The following AGO2 variants were observed in gnomAD, a reference collection of about 807,000 sequenced individuals.
AGO2 encodes the protein argonaute RISC catalytic component 2.
Under a neutral mutation model 102.3 loss-of-function variants are expected in AGO2, and 5 were observed. The ratio of observed to expected loss-of-function variants is 0.05; its 90% CI spans 0.03 to 0.10. The LOEUF is 0.10. AGO2 is among the 10% of genes least tolerant of loss of function. The probability of loss-of-function intolerance (pLI) is 1.00; values close to 1 mark genes in which losing one functional copy is unlikely to be tolerated. For synonymous variants in AGO2, 449 were observed against 473.1 expected (o/e 0.95, Z 0.66); for missense variants, 541 against 1,183.7 (o/e 0.46, Z 7.97).
chr8:140,608,135 G>A (rs188747097), intron 1 of AGO2, among the ~76,000 whole-genome samples: 20 of 152,296 alleles, frequency 1.3e-4, no homozygotes, highest in Middle Eastern at 3.4e-3. Flanking sequence ...ATATGGGCTT[G>A]TGAGCTCTGT....
chr8:140,606,170 C>T (rs2073995687), intron 1 of AGO2, among the ~76,000 whole-genome samples: 1 of 152,182 alleles, frequency 6.6e-6, no homozygotes, highest in Non-Finnish European at 1.5e-5. Context: ...GTATATCCTT[C>T]CAGGGCATCG....
chr8:140,623,610 C>T (rs959562467), intron 1 of AGO2, among the ~76,000 whole-genome samples: 16 of 152,160 alleles, frequency 1.1e-4, no homozygotes, highest in Middle Eastern at 6.8e-3. Context: ...CGTCTTGCTG[C>T]GTGCCCCCTG....
upstream of AGO2, among the ~76,000 whole-genome samples, chr8:140,638,825 T>C (rs1429252265): frequency 6.6e-6 from 1 of 152,198 alleles, no homozygotes; most frequent in African/African-American, 2.4e-5. Context: ...TCCTCCCACC[T>C]TGGCCTCCTC....
chr8:140,553,172 G>A (rs929434771), intron 10 of AGO2, among the ~76,000 whole-genome samples: 29 of 152,116 alleles, frequency 1.9e-4, no homozygotes, highest in Non-Finnish European at 3.7e-4. Context: ...GACTGCTTGA[G>A]CCCAGGAGTT....
intron 18 of AGO2, 98 bp downstream of exon 18, chr8:140,532,318 C>A: frequency 4.1e-6 from 6 of 1,464,322 alleles, no homozygotes; most frequent in Non-Finnish European, 4.6e-6. Flanking sequence ...CGGCTCCAGC[C>A]GCTGGGGCCC....
intron 1 of AGO2, among the ~76,000 whole-genome samples, chr8:140,627,632 GC>G (rs2074293567): frequency 6.6e-6 from 1 of 152,212 alleles, no homozygotes; most frequent in South Asian, 2.1e-4. Flanking sequence ...TCTAAGCCTT[GC>G]TGCAGTTGTG....
chr8:140,594,825 CTGTGTG>C (rs56012516), intron 1 of AGO2, among the ~76,000 whole-genome samples: 5 of 146,024 alleles, frequency 3.4e-5, no homozygotes, highest in East Asian at 2.0e-4. Flanking sequence ...AAGAAAAAAA[CTGTGTG>C]TGTGTGTGTG....
intron 1 of AGO2, among the ~76,000 whole-genome samples, chr8:140,595,818 ATATTTAT>A (rs1210807506): frequency 2.0e-5 from 1 of 50,046 alleles, no homozygotes; most frequent in African/African-American, 5.8e-5. Flanking sequence ...TGTATATATT[ATATTTAT>A]ATTATATACA....
chr8:140,557,837 C>T lies in AGO2; in HGVS notation c.879-601G>A, dbSNP rs1034281908. Among the ~76,000 whole-genome samples, 13 of 152,210 alleles carry T rather than the reference C, an allele frequency of 8.5e-5. No homozygotes were observed. The highest frequency in any genetic ancestry group is 7.9e-4 in the Admixed American group (12 of 15,284). ...GACCCCTTCCCCCAATCCAGACTGC[C>T]GGGCCATCTGCAGCCTCTGCCAGGC... On this transcript the variant is annotated intron_variant, in intron 7 of 18. Coordinates refer to ENST00000220592, the MANE Select transcript of AGO2 (RefSeq NM_012154.5). The surrounding 1 kb of genome is among the most constrained non-coding windows in gnomAD (Gnocchi z 5.9).
chr8:140,629,352 C>T (rs1023292263), intron 1 of AGO2, among the ~76,000 whole-genome samples: 1 of 151,948 alleles, frequency 6.6e-6, no homozygotes. Context: ...TCAGCGCAGG[C>T]GCCCGTGCCC....
At chr8:140,584,456 G>C (rs912475904) in intron 2 of AGO2, among the ~76,000 whole-genome samples, 13 of 152,200 alleles carry the variant, frequency 8.5e-5, no homozygotes, top group African/African-American at 1.7e-4. Flanking sequence ...ACACACAGCT[G>C]CCCTTCGGCC....
intron 1 of AGO2, among the ~76,000 whole-genome samples, chr8:140,595,845 A>G (rs183694012): frequency 2.5e-4 from 10 of 39,802 alleles, no homozygotes; most frequent in East Asian, 1.6e-3. Context: ...AATTGTATAT[A>G]TTATATTTAT....
At chr8:140,568,103 CAAAAAAA>C (rs553804959) in intron 3 of AGO2, among the ~76,000 whole-genome samples, 10 of 110,648 alleles carry the variant, frequency 9.0e-5, no homozygotes, top group South Asian at 2.9e-4. Flanking sequence ...ACTAAAAATA[CAAAAAAA>C]AAAAAAAAAA....
intron 1 of AGO2, among the ~76,000 whole-genome samples, chr8:140,587,916 C>T (rs1413755652): frequency 6.6e-6 from 1 of 152,188 alleles, no homozygotes; most frequent in Non-Finnish European, 1.5e-5. Flanking sequence ...GTCCTGGCTC[C>T]CACTGCCTGT....
chr8:140,606,299 C>A (rs1268353203), intron 1 of AGO2, among the ~76,000 whole-genome samples: 1 of 152,204 alleles, frequency 6.6e-6, no homozygotes, highest in Non-Finnish European at 1.5e-5. Context: ...AGCATGGAGG[C>A]CCCACCTACT....
chr8:140,623,876 C>T (rs2074244341), intron 1 of AGO2, among the ~76,000 whole-genome samples: 1 of 152,114 alleles, frequency 6.6e-6, no homozygotes, highest in Non-Finnish European at 1.5e-5. Context: ...GCAGATTTAA[C>T]TCTTAAACAA....
intron 6 of AGO2, 138 bp downstream of exon 6, chr8:140,559,257 C>A (rs955676275): frequency 1.9e-5 from 20 of 1,078,956 alleles, no homozygotes; most frequent in Non-Finnish European, 2.7e-5. Flanking sequence ...CTCCATGCTA[C>A]CTCATCTGAT....
chr8:140,530,034 A>C lies in AGO2; in HGVS notation c.*2010T>G, dbSNP rs1177235597. The C allele has an allele frequency of 6.6e-6, 1 of 152,192 alleles. No homozygotes were observed. The highest frequency in any genetic ancestry group is 2.4e-5 in the African/African-American group (1 of 41,432). The allele number at this position is 152,192 out of a possible 1,614,324, so 9.4% of individuals were successfully genotyped here. On this transcript the variant is annotated 3_prime_UTR_variant, in exon 19 of 19. Transcript: ENST00000220592. ...CAGGAGAAAGTGCCACTTGCCACTA[A>C]AACAAAAGGAACTGCCATTTCTTAG...
At chr8:140,642,013 G>A in the AGO2 span, among the ~76,000 whole-genome samples, 1 of 151,656 alleles carries the variant, frequency 6.6e-6, no homozygotes, top group East Asian at 1.9e-4. Context: ...CTGTACGTCA[G>A]CCTGGTCAAC....
Sources: gnomAD v4.1 joint callset for allele counts (sites outside exome capture counted in the v4.1 genomes callset) on GRCh38, gnomAD v4.1.1 for gene constraint, Gnocchi (gnomAD v3.1) non-coding constraint, MANE v1.5 for transcripts, NCBI Gene and HGNC (gene_info 2026-07-23, HGNC 2026-07-21) for gene names.